The following SHANK2 variants were observed in gnomAD, a reference collection of about 807,000 sequenced individuals.
SHANK2 encodes the protein SH3 and multiple ankyrin repeat domains protein 2.
A neutral mutation model predicts 133.7 loss-of-function variants in SHANK2; 43 were observed. The ratio of observed to expected loss-of-function variants is 0.32; its 90% CI spans 0.25 to 0.41. SHANK2 has a LOEUF of 0.41. Ranked by LOEUF, SHANK2 falls within the 10% of genes least tolerant of loss-of-function variation. The pLI is 1.00. For synonymous variants in SHANK2, 1,017 were observed against 952.8 expected (o/e 1.07, Z -1.24); for missense variants, 1,994 against 2,235.8 (o/e 0.89, Z 2.18).
chr11:70,561,446 C>T (rs2059907619), intron 17 of SHANK2, among the ~76,000 whole-genome samples: 1 of 152,056 alleles, frequency 6.6e-6, no homozygotes, highest in East Asian at 1.9e-4. Context: ...TGCCAAAGAA[C>T]CAACTTTTGG....
chr11:70,602,882 TAAG>T (rs2060519560), intron 17 of SHANK2, among the ~76,000 whole-genome samples: 1 of 152,196 alleles, frequency 6.6e-6, no homozygotes, highest in African/African-American at 2.4e-5. Flanking sequence ...GGATAGCGAC[TAAG>T]AAGCTGTCTA....
intron 14 of SHANK2, among the ~76,000 whole-genome samples, chr11:70,797,894 TCTC>T (rs1305757125): frequency 2.0e-5 from 3 of 149,896 alleles, no homozygotes; most frequent in African/African-American, 7.4e-5. Context: ...ATATAAGTGG[TCTC>T]CTCTTCACAT....
At chr11:70,725,369 G>A (rs945413255) in intron 14 of SHANK2, among the ~76,000 whole-genome samples, 2 of 152,224 alleles carry the variant, frequency 1.3e-5, no homozygotes, top group Non-Finnish European at 2.9e-5. Context: ...AGCGTGGCAG[G>A]AGGAATTTCC....
chr11:70,528,661 C>G (rs541746274), intron 17 of SHANK2, among the ~76,000 whole-genome samples: 1 of 152,154 alleles, frequency 6.6e-6, no homozygotes, highest in African/African-American at 2.4e-5. Context: ...GGGGGTCTCT[C>G]CTGGGCGATT....
At chr11:71,140,867 GC>G (rs1167230578) in intron 3 of SHANK2, among the ~76,000 whole-genome samples, 1 of 152,198 alleles carries the variant, frequency 6.6e-6, no homozygotes, top group Admixed American at 6.5e-5. Context: ...CTGCCTTCCT[GC>G]CGGGAATTCA....
intron 10 of SHANK2, among the ~76,000 whole-genome samples, chr11:70,911,811 G>A (rs753200270): frequency 2.0e-4 from 30 of 152,116 alleles, no homozygotes; most frequent in African/African-American, 6.5e-4. Flanking sequence ...GCCAGGCGTG[G>A]TGGCTCACAC....
chr11:70,758,898 C>A (rs140529033), intron 14 of SHANK2, among the ~76,000 whole-genome samples: 3 of 152,056 alleles, frequency 2.0e-5, no homozygotes, highest in Admixed American at 1.3e-4. Context: ...CGGTGGCTCA[C>A]GCCTGTAATC....
intron 17 of SHANK2, among the ~76,000 whole-genome samples, chr11:70,648,195 C>G (rs897026512): frequency 2.6e-5 from 4 of 152,154 alleles, no homozygotes; most frequent in Non-Finnish European, 5.9e-5. Flanking sequence ...ATGCCCGGAA[C>G]AGGCAGACCC....
chr11:71,081,538 T>C (rs1283078951), intron 8 of SHANK2, among the ~76,000 whole-genome samples: 2 of 152,106 alleles, frequency 1.3e-5, no homozygotes, highest in Non-Finnish European at 2.9e-5. Flanking sequence ...GAGGGCAGGA[T>C]AGAGGACCTG....
intron 2 of SHANK2, among the ~76,000 whole-genome samples, chr11:71,215,782 C>T (rs1374171186): frequency 6.6e-6 from 1 of 152,196 alleles, no homozygotes; most frequent in African/African-American, 2.4e-5. Flanking sequence ...AGACATGACA[C>T]CCCAGAAGCG....
intron 10 of SHANK2, among the ~76,000 whole-genome samples, chr11:70,898,282 G>GCACACACACA (rs71467421): frequency 0.043 from 5,787 of 135,400 alleles, 205 homozygotes; most frequent in Non-Finnish European, 0.067. Flanking sequence ...ATACACACAC[G>GCACACACACA]CACACACACA....
At chr11:71,126,725 C>CCCTTT (rs1952195876) in intron 3 of SHANK2, among the ~76,000 whole-genome samples, 1 of 130,282 alleles carries the variant, frequency 7.7e-6, no homozygotes, top group Admixed American at 7.8e-5. Flanking sequence ...TCATAAACGA[C>CCCTTT]TTTTTTTTTT....
At chr11:71,060,395 G>A (rs922076685) in intron 9 of SHANK2, among the ~76,000 whole-genome samples, 2 of 152,204 alleles carry the variant, frequency 1.3e-5, no homozygotes, top group African/African-American at 2.4e-5. Flanking sequence ...AGAACAACAC[G>A]GACTGTATGA....
intron 2 of SHANK2, among the ~76,000 whole-genome samples, chr11:71,204,824 C>G (rs367788173): frequency 3.3e-5 from 5 of 152,206 alleles, no homozygotes; most frequent in African/African-American, 1.2e-4. Context: ...GGCAGGGGTT[C>G]GGAGCACTCC....
chr11:70,580,874 C>T (rs931901166), intron 17 of SHANK2, among the ~76,000 whole-genome samples: 1 of 152,206 alleles, frequency 6.6e-6, no homozygotes, highest in Admixed American at 6.5e-5. Flanking sequence ...ACCTCCTGTT[C>T]CCTCTGTGGG....
At chr11:71,168,000 T>TTCTCACTTCTCAGACGAGGCGGTTGCC (rs1953215890) in intron 2 of SHANK2, among the ~76,000 whole-genome samples, 2 of 113,706 alleles carry the variant, frequency 1.8e-5, no homozygotes, top group South Asian at 6.3e-4. Context: ...GGGTGGCTGC[T>TTCTCACTTCTCAGACGAGGCGGTTGCC]GGGCGGAGGG....
chr11:70,869,075 CAAG>C (rs1159169808), intron 11 of SHANK2, among the ~76,000 whole-genome samples: 1 of 152,128 alleles, frequency 6.6e-6, no homozygotes, highest in Non-Finnish European at 1.5e-5. Context: ...GGCGTCCTTA[CAAG>C]AAGAGATCAG....
Position 71,188,005 on chromosome 11 carries a change from G to T in SHANK2, c.-13+36692C>A, listed in dbSNP as rs1169889320. On this transcript the variant is annotated intron_variant, in intron 2 of 25. Coordinates refer to ENST00000601538, the MANE Select transcript of SHANK2 (RefSeq NM_012309.5). This position sits in a 1 kb window ranked among gnomAD's most constrained non-coding sequence, Gnocchi z 4.6. ...AACTGACCTTCATCTCTGATCCAGA[G>T]GCTTCGTGTCTTCTACTGGTATCAC... Among the ~76,000 whole-genome samples the T allele has an allele frequency of 6.6e-6, 1 of 152,178 alleles. No individual in the cohort carries two copies. The highest frequency in any genetic ancestry group is 2.4e-5 in the African/African-American group (1 of 41,438).
intron 2 of SHANK2, among the ~76,000 whole-genome samples, chr11:71,159,614 C>T (rs1372562983): frequency 6.6e-6 from 1 of 152,166 alleles, no homozygotes; most frequent in Non-Finnish European, 1.5e-5. Context: ...TTCTACAAGG[C>T]ATCGGGTACA....
Sources: allele counts gnomAD v4.1 joint callset (sites outside exome capture counted in the v4.1 genomes callset), GRCh38; gene constraint gnomAD v4.1.1; non-coding constraint Gnocchi (gnomAD v3.1); transcripts MANE v1.5; gene names NCBI Gene and HGNC (gene_info 2026-07-23, HGNC 2026-07-21).